Variants in CDH23 observed in about 807,000 individuals in gnomAD.
CDH23 encodes the protein cadherin related 23, also known as cadherin-23.
A neutral mutation model predicts 317.1 loss-of-function variants in CDH23; 189 were observed. The ratio of observed to expected loss-of-function variants is 0.60; its 90% CI spans 0.53 to 0.67. The LOEUF is 0.67. Among genes scored for constraint, CDH23 ranks in the 30% least tolerant of loss-of-function variants. The pLI, the probability that CDH23 is intolerant of heterozygous loss-of-function variation, is 0.00. For missense variants in CDH23, 4,401 were observed against 4,592.4 expected, an observed-to-expected ratio of 0.96 and a Z score of 1.20; for synonymous variants, 1,839 against 1,876.8, an observed-to-expected ratio of 0.98 and a Z score of 0.52.
At chr10:71,741,969 C>T in intron 38 of CDH23, 48 bp downstream of exon 38, 2 of 1,439,956 alleles carry the variant, frequency 1.4e-6, no homozygotes, top group Non-Finnish European at 1.9e-6. Context: ...GCCAGGGCAG[C>T]TCCGCCTCCG....
chr10:71,773,308 T>A (rs766686329), intron 38 of CDH23: 1 of 1,549,808 alleles, frequency 6.5e-7, no homozygotes, highest in South Asian at 1.2e-5. Flanking sequence ...CACTCCAGTC[T>A]GCTGTCTTCT....
intron 11 of CDH23, among the ~76,000 whole-genome samples, chr10:71,633,063 TCTTATAAAGCCTCTAGTCCC>T (rs1862092548): frequency 6.6e-6 from 1 of 151,956 alleles, no homozygotes; most frequent in Non-Finnish European, 1.5e-5. Context: ...TCTCTCTTCC[TCTTATAAAGCCTCTAGTCCC>T]CCTCCCAGGA....
chr10:71,667,395 TGC>T (rs1213586112), intron 14 of CDH23, among the ~76,000 whole-genome samples: 60,214 of 138,400 alleles, frequency 0.44, 14,038 homozygotes, highest in Non-Finnish European at 0.52. Flanking sequence ...TGTGTGTGTG[TGC>T]GCGTGTGTGT....
At chr10:71,771,372 C>T (rs1840680061) in intron 38 of CDH23, among the ~76,000 whole-genome samples, 1 of 152,232 alleles carries the variant, frequency 6.6e-6, no homozygotes, top group African/African-American at 2.4e-5. Context: ...AACAGGCTGG[C>T]CCCGGCCACT....
chr10:71,698,053 T>C (rs1865458645), intron 22 of CDH23, among the ~76,000 whole-genome samples: 1 of 152,238 alleles, frequency 6.6e-6, no homozygotes, highest in South Asian at 2.1e-4. Flanking sequence ...TTAGTAACTA[T>C]GAAATTTAGT....
rs1275841992 is a variant in CDH23 at position 71,799,131 on chromosome 10, A to T, written c.7075A>T (p.Thr2359Ser). The change falls in exon 51 of 70, where the codon ACA becomes TCA. Residue 2359 changes from threonine to serine, a missense_variant. Physicochemically the swap from Thr to Ser is moderately conservative, Grantham distance 58. Transcript: ENST00000224721. ...CTTAGGGAAGGTCATTGCCAACCGG[A>T]CAGTGGACTACGAGGAGGTGCACTG... ...SSAGKVIANRTVDYEEVHWLN... is the reference protein window; with the variant it reads ...SSAGKVIANRSVDYEEVHWLN... 3 of 1,613,916 alleles carry T rather than the reference A, an allele frequency of 1.9e-6. No homozygotes were observed. The South Asian group carries it at 3.3e-5, about 18-fold the overall frequency.
At chr10:71,406,278 G>A (rs532146313) in intron 1 of CDH23, among the ~76,000 whole-genome samples, 4 of 152,312 alleles carry the variant, frequency 2.6e-5, no homozygotes, top group East Asian at 1.9e-4. Flanking sequence ...TTGCAGCAAC[G>A]TGGAGTGTTT....
Position 71,446,302 on chromosome 10 carries a change from G to T in CDH23, c.68-16G>T, listed in dbSNP as rs1233145751. The T allele has an allele frequency of 6.2e-7, 1 of 1,613,752 alleles. No homozygotes were observed. On this transcript the variant is annotated splice_polypyrimidine_tract_variant and intron_variant, in intron 2 of 69. Coordinates refer to ENST00000224721, the MANE Select transcript of CDH23 (RefSeq NM_022124.6). ...TGGGGGGTACTTGGCTGACGCTCTT[G>T]TCCTCTGACTTCCAGGCCAGGTGAA...
chr10:71,593,560 A>G (rs1859640567), intron 9 of CDH23, among the ~76,000 whole-genome samples: 1 of 152,230 alleles, frequency 6.6e-6, no homozygotes, highest in Non-Finnish European at 1.5e-5. Context: ...AATTAAAACC[A>G]AGGAACTAAT....
chr10:71,784,780 A>G, intron 42 of CDH23, 111 bp from the exon 43 acceptor site: 1 of 792,692 alleles, frequency 1.3e-6, no homozygotes, highest in Non-Finnish European at 2.2e-6. Context: ...CTCCATGACC[A>G]ACTGCACCCT....
intron 6 of CDH23, among the ~76,000 whole-genome samples, chr10:71,535,722 C>T (rs1482012410): frequency 6.6e-6 from 1 of 152,192 alleles, no homozygotes; most frequent in Admixed American, 6.5e-5. Flanking sequence ...GATGTGAGCC[C>T]CAGGGCAGGG....
chr10:71,730,134 G>T (rs1178830913), intron 30 of CDH23, among the ~76,000 whole-genome samples: 2 of 152,178 alleles, frequency 1.3e-5, no homozygotes, highest in Admixed American at 1.3e-4. Context: ...ACCGCGCCCG[G>T]CCGAATTATT....
intron 9 of CDH23, among the ~76,000 whole-genome samples, chr10:71,591,219 C>A (rs140771917): frequency 6.6e-6 from 1 of 152,226 alleles, no homozygotes; most frequent in African/African-American, 2.4e-5. Context: ...CAGCTTCACC[C>A]GAATGCTGGT....
At chr10:71,434,676 G>A (rs544307560) in intron 1 of CDH23, among the ~76,000 whole-genome samples, 1 of 152,110 alleles carries the variant, frequency 6.6e-6, no homozygotes, top group South Asian at 2.1e-4. Context: ...TAATGTGGGC[G>A]GGGCTGCTGC....
At chr10:71,531,806 G>A (rs1268736342) in intron 6 of CDH23, among the ~76,000 whole-genome samples, 1 of 152,184 alleles carries the variant, frequency 6.6e-6, no homozygotes, top group Non-Finnish European at 1.5e-5. Context: ...TCACTGTGGT[G>A]CCTCAGGGTC....
At chr10:71,698,454 G>A (rs1157972295) in intron 22 of CDH23, among the ~76,000 whole-genome samples, 1 of 152,020 alleles carries the variant, frequency 6.6e-6, no homozygotes, top group Non-Finnish European at 1.5e-5. Flanking sequence ...ACAGAAGGAG[G>A]AGGTGATATT....
At chr10:71,724,204 A>AC (rs1866703394) in intron 29 of CDH23, 99 bp downstream of exon 29, 1 of 1,307,114 alleles carries the variant, frequency 7.7e-7, no homozygotes, top group Non-Finnish European at 1.1e-6. Flanking sequence ...GGCCAAGAGA[A>AC]CCCCCAGGGC....
At chr10:71,407,905 C>A (rs560383366) in intron 1 of CDH23, among the ~76,000 whole-genome samples, 2 of 152,338 alleles carry the variant, frequency 1.3e-5, no homozygotes, top group South Asian at 4.1e-4. Flanking sequence ...GAAAAATCCC[C>A]TTCTGACCAA....
chr10:71,574,193 T>C (rs1858010184), intron 8 of CDH23, among the ~76,000 whole-genome samples: 1 of 151,804 alleles, frequency 6.6e-6, no homozygotes, highest in Non-Finnish European at 1.5e-5. Flanking sequence ...CCCCTCTTTA[T>C]CTGCGGCTCA....
Sources: gnomAD v4.1 joint callset for allele counts (sites outside exome capture counted in the v4.1 genomes callset) on GRCh38, gnomAD v4.1.1 for gene constraint, MANE v1.5 for transcripts, NCBI Gene and HGNC (gene_info 2026-07-23, HGNC 2026-07-21) for gene names.